Variants in HPGD observed in about 807,000 individuals in gnomAD.
HPGD encodes 15-hydroxyprostaglandin dehydrogenase [NAD(+)].
HPGD carries 29 observed loss-of-function variants against 30.0 expected under a neutral mutation model. The ratio of observed to expected loss-of-function variants is 0.97; its 90% CI spans 0.72 to 1.32. The LOEUF is 1.32. Ranked by LOEUF, HPGD falls within the 40% of genes most tolerant of loss-of-function variation. HPGD has a pLI of 0.00. For synonymous variants in HPGD, 99 were observed against 112.4 expected (o/e 0.88, Z 0.75); for missense variants, 340 against 322.1 (o/e 1.06, Z -0.43).
chr4:174,520,626 T>C (rs1309189322), intron 2 of HPGD, among the ~76,000 whole-genome samples: 1 of 152,236 alleles, frequency 6.6e-6, no homozygotes, highest in Non-Finnish European at 1.5e-5. Context: ...GCCAAGGTAT[T>C]AATTTTAAAT....
At chr4:174,493,642 T>C (rs1734452231) in intron 5 of HPGD, among the ~76,000 whole-genome samples, 1 of 152,174 alleles carries the variant, frequency 6.6e-6, no homozygotes, top group Non-Finnish European at 1.5e-5. Flanking sequence ...ATATCCCAAG[T>C]GTTATTTCAA....
At chr4:174,515,253 C>T (rs570334117) in intron 3 of HPGD, among the ~76,000 whole-genome samples, 88 of 152,108 alleles carry the variant, frequency 5.8e-4, no homozygotes, top group Non-Finnish European at 7.7e-4. Context: ...TCACACTATT[C>T]GACTTCAAAC....
intron 4 of HPGD, among the ~76,000 whole-genome samples, chr4:174,506,267 C>T (rs908542433): frequency 2.6e-5 from 4 of 152,220 alleles, no homozygotes; most frequent in South Asian, 4.1e-4. Flanking sequence ...TCAAATGGGG[C>T]AAAAGCTTAA....
chr4:174,520,340 T>C (rs1736039293), intron 2 of HPGD, among the ~76,000 whole-genome samples: 1 of 152,252 alleles, frequency 6.6e-6, no homozygotes, highest in Non-Finnish European at 1.5e-5. Context: ...TGTGATTTGT[T>C]CATTTGGAAA....
rs1553998366 is a variant in HPGD at position 174,497,568 on chromosome 4, C to CTTTTCTTTTTTTT, written c.422-1945_422-1944insAAAAAAAAGAAAA. Among the ~76,000 whole-genome samples, 85 of 51,108 alleles carry CTTTTCTTTTTTTT rather than the reference C, an allele frequency of 1.7e-3. 2 individuals are homozygous for CTTTTCTTTTTTTT. Among genetic ancestry groups the CTTTTCTTTTTTTT allele is most frequent in the African/African-American group, 5.3e-3 (79 of 14,970 alleles). The allele number at this position is 51,108 out of a possible 152,430, so 33.5% of individuals were successfully genotyped here. A position where few individuals can be genotyped will look rare whatever the true frequency, so the allele number is the denominator to read the frequency against. ...CACTTTCTTTTCTTTCTTTTTCTTTCTTTTTTTTTTTTTTTTTTTTTTTTT... is the reference window on the plus strand; with the variant it reads ...CACTTTCTTTTCTTTCTTTTTCTTTCTTTTCTTTTTTTTTTTTTTTTTTTTTTTTTTTTTTTTT... On this transcript the variant is annotated intron_variant, in intron 4 of 6. Transcript: ENST00000296522.
chr4:174,493,584 A>G (rs771042585), intron 5 of HPGD: 72 of 362,118 alleles, frequency 2.0e-4, no homozygotes, highest in Non-Finnish European at 3.2e-4. Context: ...TCTCTTATCT[A>G]CTGAACTCTG....
chr4:174,509,470 T>G (rs1735365986), intron 3 of HPGD, among the ~76,000 whole-genome samples: 1 of 152,212 alleles, frequency 6.6e-6, no homozygotes, highest in Admixed American at 6.5e-5. Flanking sequence ...CAGTGAGACC[T>G]GGGAGGCAAT....
chr4:174,515,898 A>T (rs534288068), intron 3 of HPGD, among the ~76,000 whole-genome samples: 3 of 152,332 alleles, frequency 2.0e-5, no homozygotes, highest in South Asian at 4.1e-4. Flanking sequence ...ATCACTAATC[A>T]TCAGAGAAAT....
intron 4 of HPGD, among the ~76,000 whole-genome samples, chr4:174,504,855 G>A (rs949197084): frequency 1.4e-5 from 2 of 147,126 alleles, no homozygotes; most frequent in African/African-American, 2.5e-5. Flanking sequence ...ACAAACAAAC[G>A]GAGTGCATTT....
At chr4:174,515,650 C>A (rs1735732726) in intron 3 of HPGD, among the ~76,000 whole-genome samples, 1 of 151,964 alleles carries the variant, frequency 6.6e-6, no homozygotes, top group South Asian at 2.1e-4. Flanking sequence ...AGAGCTTCTG[C>A]ACAGCAAAAG....
At chr4:174,493,042 G>T in intron 6 of HPGD, 109 bp downstream of exon 6, 1 of 1,041,200 alleles carries the variant, frequency 9.6e-7, no homozygotes, top group South Asian at 1.7e-5. Flanking sequence ...AAAGTTTGAA[G>T]CTTGTGTTCA....
intron 2 of HPGD, among the ~76,000 whole-genome samples, chr4:174,518,384 A>C (rs947168096): frequency 6.6e-6 from 1 of 152,196 alleles, no homozygotes; most frequent in Non-Finnish European, 1.5e-5. Context: ...CAGTAACTTA[A>C]TGGGGTACAT....
chr4:174,522,542 GCCCGGC>G, upstream of HPGD: 2 of 894,720 alleles, frequency 2.2e-6, no homozygotes, highest in Non-Finnish European at 3.2e-6. Context: ...CGCGCGTGCA[GCCCGGC>G]GGGGCGCTCC....
rs761778274 is a variant in HPGD at position 174,496,705 on chromosome 4, A to G, written c.422-1081T>C. 6.6e-6 allele frequency among the ~76,000 whole-genome samples: 1 copy of G among 152,216 alleles called. No individual in the cohort carries two copies. The highest frequency in any genetic ancestry group is 6.5e-5 in the Admixed American group (1 of 15,282). The stretch of plus-strand genomic sequence containing the variant: ...TAATACCAAATTATTCTGCTGAGAC[A>G]TGCTCATCTCCACCCAGCTAACTAT... On this transcript the variant is annotated intron_variant, in intron 4 of 6. Coordinates refer to ENST00000296522, the MANE Select transcript of HPGD (RefSeq NM_000860.6). The surrounding 1 kb of genome is among the most constrained non-coding windows in gnomAD (Gnocchi z 4.6).
chr4:174,514,105 AG>A (rs1323959954), intron 3 of HPGD, among the ~76,000 whole-genome samples: 2 of 152,160 alleles, frequency 1.3e-5, no homozygotes, highest in Non-Finnish European at 2.9e-5. Flanking sequence ...TTATAAGTAC[AG>A]AAGCACAAAT....
At position 174,495,604 on chromosome 4, in the gene HPGD, G is replaced by T. The variant is rs756941287; in HGVS notation, c.442C>A (p.Gln148Lys). The change falls in exon 5 of 7, where the codon CAG (glutamine) becomes AAG (lysine). Residue 148 changes from glutamine to lysine, a missense_variant. Gln to Lys is a moderately conservative substitution (Grantham distance 53). Coordinates refer to ENST00000296522, the MANE Select transcript of HPGD (RefSeq NM_000860.6). ...SLAGLMPVAQQPVYCASKHGI... is the reference protein window; with the variant it reads ...SLAGLMPVAQKPVYCASKHGI... The stretch of plus-strand genomic sequence containing the variant: ...TGCTTTGAAGCACAATAAACCGGCT[G>T]CTGTGCAACGGGCATGAGTCCTGAA... The T allele has an allele frequency of 6.2e-7, 1 of 1,613,546 alleles. No individual in the cohort carries two copies. The highest frequency in any genetic ancestry group is 1.7e-5 in the Admixed American group (1 of 59,984).
At chr4:174,511,900 T>C (rs1350408483) in intron 3 of HPGD, among the ~76,000 whole-genome samples, 2 of 152,058 alleles carry the variant, frequency 1.3e-5, no homozygotes, top group African/African-American at 2.4e-5. Context: ...CCCGCCTCGG[T>C]CTCCCAAAGT....
intron 1 of HPGD, 81 bp from the exon 2 acceptor site, chr4:174,522,148 C>T: frequency 6.3e-7 from 1 of 1,598,320 alleles, no homozygotes; most frequent in Non-Finnish European, 8.6e-7. Context: ...AAGAGGCTCC[C>T]CTCCTGGACC....
At chr4:174,504,081 A>G (rs1400301098) in intron 4 of HPGD, among the ~76,000 whole-genome samples, 1 of 152,152 alleles carries the variant, frequency 6.6e-6, no homozygotes, top group Non-Finnish European at 1.5e-5. Context: ...TCATCTTGAT[A>G]AGAGACACTG....
Sources: gnomAD v4.1 joint callset for allele counts (sites outside exome capture counted in the v4.1 genomes callset) on GRCh38, gnomAD v4.1.1 for gene constraint, Gnocchi (gnomAD v3.1) non-coding constraint, MANE v1.5 for transcripts, NCBI Gene and HGNC (gene_info 2026-07-23, HGNC 2026-07-21) for gene names.